Variants in NENF observed in about 807,000 individuals in gnomAD.
NENF encodes neudesin.
Under a neutral mutation model 14.8 loss-of-function variants are expected in NENF, and 6 were observed. That is an observed-to-expected ratio of 0.40 (90% confidence interval 0.22 to 0.80). The LOEUF (loss-of-function observed/expected upper bound fraction) is 0.80. NENF is among the 30% of genes least tolerant of loss of function. NENF has a pLI of 0.34. For synonymous variants in NENF, 76 were observed against 95.1 expected (o/e 0.80, Z 1.17); for missense variants, 184 against 212.7 (o/e 0.87, Z 0.84).
chr1:212,436,389 C>A lies in NENF; in HGVS notation c.177+3269C>A, dbSNP rs533603459. ...GCAGTGGTGTGATCTCAGCTCACTG[C>A]AACCTCCGCCTCCCATGTTCAAGCA... On this transcript the variant is annotated intron_variant, in intron 1 of 3. Coordinates refer to ENST00000366988, the MANE Select transcript of NENF (RefSeq NM_013349.5). Among the ~76,000 whole-genome samples the A allele has an allele frequency of 7.4e-5, 11 of 148,226 alleles. No homozygotes were observed. In the South Asian group the frequency reaches 2.3e-3, roughly 32 times the overall value.
rs150392293 is a variant in NENF, at chr1:212,435,289, A to C, written c.177+2169A>C. ...TCTATATCTATACAGTTGATCCTTG[A>C]GCAACACAGGAGTTCGGGGTACTGA... On this transcript the variant is annotated intron_variant, in intron 1 of 3. Transcript: ENST00000366988. 2.7e-3 allele frequency among the ~76,000 whole-genome samples: 414 copies of C among 152,338 alleles called. 3 individuals are homozygous for C. The highest frequency in any genetic ancestry group is 4.8e-3 in the Non-Finnish European group (326 of 68,030).
intron 1 of NENF, among the ~76,000 whole-genome samples, chr1:212,434,237 G>GAGGGA (rs774917076): frequency 6.6e-6 from 1 of 152,148 alleles, no homozygotes; most frequent in Non-Finnish European, 1.5e-5. Context: ...GCCGGTAGCA[G>GAGGGA]AGGGAACCAG....
Position 212,446,033 on chromosome 1 carries a change from G to A in NENF, c.*27G>A, listed in dbSNP as rs575738758. The A allele has an allele frequency of 1.9e-6, 3 of 1,612,264 alleles. No individual in the cohort carries two copies. Among genetic ancestry groups the A allele is most frequent in the Admixed American group, 1.7e-5 (1 of 59,984 alleles). ...GTTCCCCCTGCAGGAGCAGGTTCTT[G>A]GGAGCGTGAGGCAGGAAGACACTAG... On this transcript the variant is annotated 3_prime_UTR_variant, in exon 4 of 4. Coordinates refer to ENST00000366988, the MANE Select transcript of NENF (RefSeq NM_013349.5).
chr1:212,435,962 A>G (rs1036995414), intron 1 of NENF, among the ~76,000 whole-genome samples: 5 of 152,214 alleles, frequency 3.3e-5, no homozygotes, highest in African/African-American at 9.7e-5. Flanking sequence ...AGCTAGACAA[A>G]AGAAAGTGTT....
At chr1:212,435,608 C>T (rs1662591638) in intron 1 of NENF, among the ~76,000 whole-genome samples, 1 of 146,502 alleles carries the variant, frequency 6.8e-6, no homozygotes, top group Non-Finnish European at 1.5e-5. Flanking sequence ...AGTGCAGTGG[C>T]AGGAACACAG....
chr1:212,437,840 T>C (rs1174659187), intron 1 of NENF, among the ~76,000 whole-genome samples: 4 of 152,170 alleles, frequency 2.6e-5, no homozygotes, highest in Non-Finnish European at 4.4e-5. Flanking sequence ...TTGGTATACA[T>C]TAGTCCTCTT....
chr1:212,438,156 A>G (rs575782129), intron 1 of NENF, among the ~76,000 whole-genome samples: 2 of 152,276 alleles, frequency 1.3e-5, no homozygotes, highest in South Asian at 2.1e-4. Context: ...AAAATAGAGG[A>G]AAAAAAGGTA....
At chr1:212,436,467 G>A (rs1662603686) in intron 1 of NENF, among the ~76,000 whole-genome samples, 2 of 151,982 alleles carry the variant, frequency 1.3e-5, no homozygotes, top group South Asian at 2.1e-4. Flanking sequence ...CCACCACCAT[G>A]CCCAGCTACT....
chr1:212,441,037 G>A (rs936631773), intron 1 of NENF, among the ~76,000 whole-genome samples: 1 of 152,094 alleles, frequency 6.6e-6, no homozygotes, highest in Non-Finnish European at 1.5e-5. Flanking sequence ...AGCCCAACTT[G>A]ATGGAAGCTA....
At chr1:212,434,872 G>GAGAAAC (rs79566612) in intron 1 of NENF, 39,083 of 151,644 alleles carry the variant, frequency 0.26, 7,368 homozygotes, top group African/African-American at 0.52. Flanking sequence ...ATTTAACTGA[G>GAGAAAC]AGAGAGAGGA....
chr1:212,446,035 G>C lies in NENF; in HGVS notation c.*29G>C. Reference sequence around the variant, plus strand: ...TCCCCCTGCAGGAGCAGGTTCTTGGGAGCGTGAGGCAGGAAGACACTAGGT... The same window carrying C: ...TCCCCCTGCAGGAGCAGGTTCTTGGCAGCGTGAGGCAGGAAGACACTAGGT... On this transcript the variant is annotated 3_prime_UTR_variant, in exon 4 of 4. Coordinates refer to ENST00000366988, the MANE Select transcript of NENF (RefSeq NM_013349.5). The C allele has an allele frequency of 6.2e-7, 1 of 1,612,332 alleles. No homozygotes were observed. Among genetic ancestry groups the C allele is most frequent in the Non-Finnish European group, 8.5e-7 (1 of 1,178,636 alleles).
Position 212,433,715 on chromosome 1 carries a change from C to T in NENF, c.177+595C>T, listed in dbSNP as rs1485096235. On this transcript the variant is annotated intron_variant, in intron 1 of 3. Transcript: ENST00000366988. This position sits in a 1 kb window ranked among gnomAD's most constrained non-coding sequence, Gnocchi z 5.5. ...GTGGACTGGAGGTTAGAGACCCCCA[C>T]AACCCCCCCGCCACACGTCAATAGA... Among the ~76,000 whole-genome samples, 1 of 151,794 alleles carries T rather than the reference C, an allele frequency of 6.6e-6. No individual in the cohort carries two copies. Among genetic ancestry groups the T allele is most frequent in the African/African-American group, 2.4e-5 (1 of 41,286 alleles).
At chr1:212,441,105 A>G (rs1367261285) in intron 1 of NENF, among the ~76,000 whole-genome samples, 1 of 152,210 alleles carries the variant, frequency 6.6e-6, no homozygotes, top group Non-Finnish European at 1.5e-5. Context: ...ATTCTGAGGT[A>G]ACATTTTATG....
At chr1:212,444,464 T>C (rs1370148661) in intron 3 of NENF, 22 bp downstream of exon 3, 27 of 1,529,842 alleles carry the variant, frequency 1.8e-5, no homozygotes, top group Non-Finnish European at 2.4e-5. Context: ...TATAAGCCTT[T>C]GTAAAATCCT....
In NENF at chr1:212,433,261, G is replaced by C; in HGVS notation, c.177+141G>C. On this transcript the variant is annotated intron_variant, in intron 1 of 3. Transcript: ENST00000366988. This position sits in a 1 kb window ranked among gnomAD's most constrained non-coding sequence, Gnocchi z 5.5. ...CGGCGGGCGCCCTGGGCCGGCGGGG[G>C]GCCTCCTCTCTCTAGGCCCCGAAGG... 1 of 381,316 alleles carries C rather than the reference G, an allele frequency of 2.6e-6. No homozygotes were observed. The highest frequency in any genetic ancestry group is 4.2e-6 in the Non-Finnish European group (1 of 238,848). 23.6% of individuals were successfully genotyped at this position (381,316 alleles called of 1,614,324 possible).
chr1:212,437,852 G>A (rs539318313), intron 1 of NENF, among the ~76,000 whole-genome samples: 2 of 152,092 alleles, frequency 1.3e-5, no homozygotes, highest in African/African-American at 4.8e-5. Context: ...AGTCCTCTTC[G>A]AATGCTTGCT....
At chr1:212,444,494 T>G in intron 3 of NENF, 52 bp downstream of exon 3, 1 of 1,174,598 alleles carries the variant, frequency 8.5e-7, no homozygotes, top group Non-Finnish European at 1.2e-6. Flanking sequence ...TGTCCATGCC[T>G]TTTTCTCTTT....
intron 1 of NENF, among the ~76,000 whole-genome samples, chr1:212,435,323 C>T (rs952790173): frequency 2.6e-5 from 4 of 152,176 alleles, no homozygotes; most frequent in Non-Finnish European, 4.4e-5. Context: ...GACCCCCATG[C>T]AGTCAAAAGT....
chr1:212,435,731 G>A (rs1662592984), intron 1 of NENF, among the ~76,000 whole-genome samples: 1 of 151,796 alleles, frequency 6.6e-6, no homozygotes, highest in Non-Finnish European at 1.5e-5. Context: ...TTTCTGTAGA[G>A]ATGGGGTCTT....
Sources: gnomAD v4.1 joint callset for allele counts (sites outside exome capture counted in the v4.1 genomes callset) on GRCh38, gnomAD v4.1.1 for gene constraint, Gnocchi (gnomAD v3.1) non-coding constraint, MANE v1.5 for transcripts, NCBI Gene and HGNC (gene_info 2026-07-23, HGNC 2026-07-21) for gene names.